The following B4GALT6 variants were observed in gnomAD, a reference collection of about 807,000 sequenced individuals.
B4GALT6 encodes beta-1,4-galactosyltransferase 6, also known as UDP-Gal:beta-GlcNAc beta-1,4-galactosyltransferase 6.
B4GALT6 carries 14 observed loss-of-function variants against 46.3 expected under a neutral mutation model. That is an observed-to-expected ratio of 0.30 (90% CI 0.20 to 0.47). The LOEUF is 0.47. Ranked by LOEUF, B4GALT6 falls within the 20% of genes least tolerant of loss-of-function variation. The pLI, the probability that B4GALT6 is intolerant of heterozygous loss-of-function variation, is 0.99. For synonymous variants in B4GALT6, 168 were observed against 162.0 expected (o/e 1.04, Z -0.28); for missense variants, 386 against 480.1 (o/e 0.80, Z 1.83).
the B4GALT6 span, among the ~76,000 whole-genome samples, chr18:31,705,778 G>T: frequency 2.6e-5 from 4 of 152,194 alleles, no homozygotes; most frequent in Admixed American, 2.6e-4. Flanking sequence ...TGTATTAACA[G>T]ATAGATTCAG....
At chr18:31,693,767 AGACCAGCCTGGGCAATATAGTGG>A in the B4GALT6 span, among the ~76,000 whole-genome samples, 1 of 152,172 alleles carries the variant, frequency 6.6e-6, no homozygotes, top group Admixed American at 6.5e-5. Context: ...CAGGAGTTCA[AGACCAGCCTGGGCAATATAGTGG>A]GACTCCATCT....
the B4GALT6 span, among the ~76,000 whole-genome samples, chr18:31,707,065 T>C: frequency 2.6e-5 from 4 of 152,182 alleles, no homozygotes; most frequent in Non-Finnish European, 5.9e-5. Flanking sequence ...CTGTCCTTTT[T>C]CTCTCTTCAT....
At chr18:31,647,589 T>C (rs915271591) in intron 3 of B4GALT6, among the ~76,000 whole-genome samples, 14 of 152,276 alleles carry the variant, frequency 9.2e-5, no homozygotes, top group African/African-American at 2.9e-4. Context: ...CCTGGTGGCA[T>C]GCTACCCATG....
Position 31,658,000 on chromosome 18 carries a change from A to C in B4GALT6, c.322T>G (p.Cys108Gly), listed in dbSNP as rs1363321757. The change falls in exon 3 of 9, where the codon TGT (cysteine) becomes GGT (glycine). Residue 108 changes from cysteine to glycine, a missense_variant. Transcript: ENST00000306851. ...CGCATATAAGGCAGCTTTTCTGGAC[A>C]GGGGAGGTATGGTGAGTATGTGAAG... ...ENFTYSPYLP[C>G]PEKLPYMRGF... The C allele has an allele frequency of 1.2e-6, 2 of 1,613,470 alleles. No individual in the cohort carries two copies. The highest frequency in any genetic ancestry group is 1.7e-6 in the Non-Finnish European group (2 of 1,179,690).
chr18:31,687,994 TGAAA>T (rs1167317608), upstream of B4GALT6, among the ~76,000 whole-genome samples: 4 of 151,850 alleles, frequency 2.6e-5, no homozygotes, highest in Non-Finnish European at 4.4e-5. Context: ...GGGGAAGAAA[TGAAA>T]GAAAATAGTG....
chr18:31,714,532 T>C, the B4GALT6 span, among the ~76,000 whole-genome samples: 3 of 152,182 alleles, frequency 2.0e-5, no homozygotes, highest in Non-Finnish European at 4.4e-5. Flanking sequence ...AGTCCCTGCT[T>C]TGGGACTCTG....
intron 1 of B4GALT6, among the ~76,000 whole-genome samples, chr18:31,679,925 G>C (rs2074460471): frequency 6.6e-6 from 1 of 152,176 alleles, no homozygotes; most frequent in Non-Finnish European, 1.5e-5. Context: ...AACCTCGACA[G>C]TTCTAATCTT....
At chr18:31,703,234 TC>T in the B4GALT6 span, among the ~76,000 whole-genome samples, 1 of 152,218 alleles carries the variant, frequency 6.6e-6, no homozygotes, top group African/African-American at 2.4e-5. Context: ...AATTCTTTCT[TC>T]ATAAGAATGG....
At chr18:31,648,067 T>A (rs1024399832) in intron 3 of B4GALT6, among the ~76,000 whole-genome samples, 3 of 152,138 alleles carry the variant, frequency 2.0e-5, no homozygotes, top group Non-Finnish European at 4.4e-5. Context: ...AAGGACACCA[T>A]CAACTGGGCC....
rs541497223 is a variant in B4GALT6, at chr18:31,658,080, T to A, written c.242A>T (p.Glu81Val). 3 of 1,608,100 alleles carry A rather than the reference T, an allele frequency of 1.9e-6. No individual in the cohort carries two copies. The South Asian group carries it at 3.3e-5, about 18-fold the overall frequency. Reference sequence around the variant, plus strand: ...AAGATAATCACTTGAATTATTGCCTTCGGGATAATCTTGGAAAGAGAGAAA... The same window carrying A: ...AAGATAATCACTTGAATTATTGCCTACGGGATAATCTTGGAAAGAGAGAAA... Reference protein sequence around the residue: ...NSTLNGTDYPEGNNSSDYLVQ... With the variant: ...NSTLNGTDYPVGNNSSDYLVQ... The change falls in exon 3 of 9, where the codon GAA becomes GTA. Residue 81 changes from glutamate to valine, a missense_variant. Physicochemically the swap from Glu to Val is moderately radical, Grantham distance 121. Coordinates refer to ENST00000306851, the MANE Select transcript of B4GALT6 (RefSeq NM_004775.5).
In B4GALT6 at chr18:31,655,863, TACAGCAAAG is replaced by T. The variant is rs1354415822; in HGVS notation, c.346+2104_346+2112del. 1.9e-4 allele frequency among the ~76,000 whole-genome samples: 29 copies of T among 152,264 alleles called. No individual in the cohort carries two copies. The East Asian group carries it at 5.4e-3, about 28-fold the overall frequency. The stretch of plus-strand genomic sequence containing the variant: ...CACTGAGTTCCATTCTTTATTATGG[TACAGCAAAG>T]AGACAGCAAGATTAGAATCACCTGA... On this transcript the variant is annotated intron_variant, in intron 3 of 8. Coordinates refer to ENST00000306851, the MANE Select transcript of B4GALT6 (RefSeq NM_004775.5).
At chr18:31,641,541 A>C (rs779583811) in intron 4 of B4GALT6, among the ~76,000 whole-genome samples, 13 of 152,202 alleles carry the variant, frequency 8.5e-5, no homozygotes, top group Non-Finnish European at 1.9e-4. Flanking sequence ...TTGTCTAGAA[A>C]AGATCTCAGT....
chr18:31,722,650 G>C, the B4GALT6 span, among the ~76,000 whole-genome samples: 2 of 152,144 alleles, frequency 1.3e-5, no homozygotes, highest in Admixed American at 6.5e-5. Flanking sequence ...GGCCTGAAGT[G>C]GGTGCTCACA....
chr18:31,645,215 GTAAACAT>G, intron 4 of B4GALT6, 133 bp downstream of exon 4: 1 of 1,141,358 alleles, frequency 8.8e-7, no homozygotes, highest in Non-Finnish European at 1.2e-6. Context: ...ATTATAAATA[GTAAACAT>G]TAAAGACAAA....
chr18:31,698,941 C>A, the B4GALT6 span, among the ~76,000 whole-genome samples: 2 of 151,812 alleles, frequency 1.3e-5, no homozygotes, highest in African/African-American at 2.4e-5. Context: ...GTGGTGCACG[C>A]CTGTGGTGTC....
chr18:31,664,554 A>G (rs2074261634), intron 2 of B4GALT6, among the ~76,000 whole-genome samples: 2 of 146,764 alleles, frequency 1.4e-5, no homozygotes, highest in African/African-American at 2.6e-5. Flanking sequence ...TGGTTGCAGG[A>G]TACTATGGGG....
the B4GALT6 span, among the ~76,000 whole-genome samples, chr18:31,697,787 T>C: frequency 1.3e-5 from 2 of 152,240 alleles, no homozygotes; most frequent in African/African-American, 4.8e-5. Flanking sequence ...AAATGTAGGT[T>C]GATGGGTTTT....
At chr18:31,716,198 C>T in the B4GALT6 span, among the ~76,000 whole-genome samples, 1 of 152,126 alleles carries the variant, frequency 6.6e-6, no homozygotes, top group South Asian at 2.1e-4. Flanking sequence ...CCAATTACAA[C>T]CCTTTTGATT....
At chr18:31,682,743 A>G (rs920613012) in intron 1 of B4GALT6, among the ~76,000 whole-genome samples, 4 of 152,224 alleles carry the variant, frequency 2.6e-5, no homozygotes, top group Non-Finnish European at 5.9e-5. Context: ...TTTCTCCAAA[A>G]TCTTTCAAAG....
Sources: gnomAD v4.1 joint callset for allele counts (sites outside exome capture counted in the v4.1 genomes callset) on GRCh38, gnomAD v4.1.1 for gene constraint, MANE v1.5 for transcripts, NCBI Gene and HGNC (gene_info 2026-07-23, HGNC 2026-07-21) for gene names.